TSHZ2: variants seen among roughly 807,000 people sequenced by gnomAD.
TSHZ2 encodes teashirt homolog 2.
In TSHZ2, 21 loss-of-function variants were observed where a neutral mutation model predicts 74.4. The ratio of observed to expected loss-of-function variants is 0.28; its 90% CI spans 0.20 to 0.41. The LOEUF is 0.41. TSHZ2 is among the 10% of genes least tolerant of loss of function. The pLI is 1.00. For synonymous variants in TSHZ2, 540 were observed against 515.3 expected (o/e 1.05, Z -0.65); for missense variants, 1,244 against 1,293.5 (o/e 0.96, Z 0.59).
At chr20:52,997,263 G>GC (rs1555813118) in intron 1 of TSHZ2, among the ~76,000 whole-genome samples, 19 of 151,410 alleles carry the variant, frequency 1.3e-4, no homozygotes, top group Non-Finnish European at 2.2e-4. Flanking sequence ...TTGCCCCGGG[G>GC]GGGGGTTCAG....
chr20:53,237,483 G>A (rs1036574118), intron 1 of TSHZ2, among the ~76,000 whole-genome samples: 1 of 143,646 alleles, frequency 7.0e-6, no homozygotes, highest in Admixed American at 6.8e-5. Context: ...GCCCTGCTCT[G>A]TCTCTCTCTT....
rs1457200075 is a variant in TSHZ2 at position 53,291,951 on chromosome 20, G to GA, written c.*8+35386dup. Among the ~76,000 whole-genome samples, 14 of 148,980 alleles carry GA rather than the reference G, an allele frequency of 9.4e-5. 2 individuals are homozygous for GA. Among genetic ancestry groups the GA allele is most frequent in the Admixed American group, 8.0e-4 (12 of 14,964 alleles). ...AGATGATATTAGTAATTTCTGAAGGGAAAAAATATAGATATCACAGAAAGA... is the reference window on the plus strand; with the variant it reads ...AGATGATATTAGTAATTTCTGAAGGGAAAAAAATATAGATATCACAGAAAGA... On this transcript the variant is annotated intron_variant, in intron 2 of 2. Coordinates refer to ENST00000371497, the MANE Select transcript of TSHZ2 (RefSeq NM_173485.6).
In TSHZ2 at chr20:52,979,483, G is replaced by A. The variant is rs1295386298; in HGVS notation, c.40+6150G>A. ...TTGTCCGAGAAATTATTTTGTCCAA[G>A]GGTATCAGACTGAGGTCCGTTCAAA... On this transcript the variant is annotated intron_variant, in intron 1 of 2. Transcript: ENST00000371497. 3.9e-5 allele frequency among the ~76,000 whole-genome samples: 6 copies of A among 152,144 alleles called. No homozygotes were observed. In the East Asian group the frequency reaches 9.6e-4, roughly 24 times the overall value.
intron 2 of TSHZ2, among the ~76,000 whole-genome samples, chr20:53,478,360 T>C (rs1056071950): frequency 1.3e-5 from 2 of 151,762 alleles, no homozygotes; most frequent in African/African-American, 2.4e-5. Context: ...ATGTCCTTTG[T>C]AGGGACATGG....
chr20:53,189,133 T>C (rs1279476098), intron 1 of TSHZ2, among the ~76,000 whole-genome samples: 1 of 152,208 alleles, frequency 6.6e-6, no homozygotes, highest in East Asian at 1.9e-4. Flanking sequence ...AGAAAAACTT[T>C]CCCCTGAAAT....
intron 1 of TSHZ2, among the ~76,000 whole-genome samples, chr20:53,175,527 A>G (rs927669082): frequency 2.0e-5 from 3 of 152,062 alleles, no homozygotes; most frequent in African/African-American, 4.8e-5. Flanking sequence ...TTGTGCTTAT[A>G]TCAACGGCTT....
chr20:52,987,680 G>A (rs1292951792), intron 1 of TSHZ2, among the ~76,000 whole-genome samples: 2 of 152,130 alleles, frequency 1.3e-5, no homozygotes, highest in African/African-American at 4.8e-5. Flanking sequence ...TTACAGCGAG[G>A]AAATGCATGC....
At chr20:53,004,119 A>G (rs2741361) in intron 1 of TSHZ2, among the ~76,000 whole-genome samples, 56,373 of 151,826 alleles carry the variant, frequency 0.37, 11,059 homozygotes, top group Non-Finnish European at 0.45. Flanking sequence ...CTGTTGCCTG[A>G]GCATGGAACA....
intron 2 of TSHZ2, among the ~76,000 whole-genome samples, chr20:53,322,533 A>C (rs1417232307): frequency 6.6e-6 from 1 of 152,118 alleles, no homozygotes; most frequent in African/African-American, 2.4e-5. Flanking sequence ...AAGAAAAAAA[A>C]AACATGACTT....
chr20:53,337,003 C>T (rs919690480), intron 2 of TSHZ2, among the ~76,000 whole-genome samples: 2 of 152,076 alleles, frequency 1.3e-5, no homozygotes, highest in African/African-American at 4.8e-5. Flanking sequence ...TGAGTAAATA[C>T]ATACAAGTGT....
At chr20:53,472,856 G>T (rs1422070733) in intron 2 of TSHZ2, among the ~76,000 whole-genome samples, 3 of 152,038 alleles carry the variant, frequency 2.0e-5, no homozygotes, top group Non-Finnish European at 2.9e-5. Flanking sequence ...AAGCGCAAGG[G>T]GTCAGGGAGT....
At chr20:53,334,513 CGGT>C (rs1568872821) in intron 2 of TSHZ2, among the ~76,000 whole-genome samples, 1 of 152,004 alleles carries the variant, frequency 6.6e-6, no homozygotes, top group African/African-American at 2.4e-5. Context: ...CAGGGCACTG[CGGT>C]CAAAGAGAAA....
chr20:53,470,386 T>C (rs1183417957), intron 2 of TSHZ2, among the ~76,000 whole-genome samples: 1 of 152,226 alleles, frequency 6.6e-6, no homozygotes, highest in African/African-American at 2.4e-5. Context: ...AATTCAGCAA[T>C]GTAGATAAGC....
At chr20:53,041,237 A>C (rs1039161535) in intron 1 of TSHZ2, among the ~76,000 whole-genome samples, 4 of 152,228 alleles carry the variant, frequency 2.6e-5, no homozygotes, top group African/African-American at 9.6e-5. Flanking sequence ...AGTTGGACAT[A>C]AGGGCTCAAA....
chr20:53,312,099 T>TA (rs1568863488), intron 2 of TSHZ2, among the ~76,000 whole-genome samples: 3 of 151,460 alleles, frequency 2.0e-5, no homozygotes, highest in Non-Finnish European at 2.9e-5. Context: ...AAAAATTTTT[T>TA]TAAAAAAAAT....
chr20:52,994,373 G>GATGA (rs1982096779), intron 1 of TSHZ2, among the ~76,000 whole-genome samples: 1 of 152,122 alleles, frequency 6.6e-6, no homozygotes, highest in African/African-American at 2.4e-5. Context: ...TGGATGGATG[G>GATGA]ATGAATGGAT....
chr20:53,221,842 A>G (rs1177731740), intron 1 of TSHZ2, among the ~76,000 whole-genome samples: 2 of 152,210 alleles, frequency 1.3e-5, no homozygotes, highest in African/African-American at 4.8e-5. Flanking sequence ...CAGAATTTCA[A>G]TTATTTTCTG....
At chr20:53,287,694 T>C (rs1991195679) in intron 2 of TSHZ2, among the ~76,000 whole-genome samples, 1 of 152,212 alleles carries the variant, frequency 6.6e-6, no homozygotes, top group Admixed American at 6.5e-5. Flanking sequence ...TAGTGGTATT[T>C]TGGATTTCTT....
intron 1 of TSHZ2, among the ~76,000 whole-genome samples, chr20:53,118,075 A>G (rs1986717128): frequency 6.6e-6 from 1 of 152,192 alleles, no homozygotes; most frequent in Non-Finnish European, 1.5e-5. Context: ...CTTGATCACC[A>G]CTGTTTGATC....
Sources: gnomAD v4.1 joint callset for allele counts (sites outside exome capture counted in the v4.1 genomes callset) on GRCh38, gnomAD v4.1.1 for gene constraint, MANE v1.5 for transcripts, NCBI Gene and HGNC (gene_info 2026-07-23, HGNC 2026-07-21) for gene names.